Variants in CNTN4 observed in about 807,000 individuals in gnomAD.
CNTN4 encodes the protein contactin 4.
In CNTN4, 77 loss-of-function variants were observed where a neutral mutation model predicts 122.5. The observed-to-expected ratio is 0.63, with a 90% CI of 0.52 to 0.76. The LOEUF is 0.76. Ranked by LOEUF, CNTN4 falls within the 30% of genes least tolerant of loss-of-function variation. The pLI is 0.00. For synonymous variants in CNTN4, 512 were observed against 447.0 expected (o/e 1.15, Z -1.83); for missense variants, 1,256 against 1,259.1 (o/e 1.00, Z 0.04).
At chr3:2,813,530 G>A (rs9858683) in intron 6 of CNTN4, among the ~76,000 whole-genome samples, 2,083 of 151,926 alleles carry the variant, frequency 0.014, 34 homozygotes, top group African/African-American at 0.048. Context: ...TATGATGTGT[G>A]ATATTATCTC....
intron 23 of CNTN4, among the ~76,000 whole-genome samples, chr3:3,049,634 G>A (rs1701048125): frequency 6.6e-6 from 1 of 152,092 alleles, no homozygotes; most frequent in Admixed American, 6.5e-5. Flanking sequence ...AGAGTGAGGG[G>A]AATAGAGAAA....
intron 12 of CNTN4, among the ~76,000 whole-genome samples, chr3:2,916,290 G>A (rs2094353390): frequency 6.6e-6 from 1 of 151,346 alleles, no homozygotes; most frequent in African/African-American, 2.4e-5. Context: ...GTGGAGGGAA[G>A]GTCAGCAGAT....
At chr3:2,646,258 T>C (rs2083114645) in intron 4 of CNTN4, among the ~76,000 whole-genome samples, 1 of 152,186 alleles carries the variant, frequency 6.6e-6, no homozygotes, top group South Asian at 2.1e-4. Flanking sequence ...ATAAACACTA[T>C]CAATCAAAAT....
chr3:2,341,843 T>C (rs1337617398), intron 3 of CNTN4, among the ~76,000 whole-genome samples: 1 of 152,244 alleles, frequency 6.6e-6, no homozygotes, highest in Non-Finnish European at 1.5e-5. Flanking sequence ...AATAACTTTC[T>C]ATCCTGGACA....
intron 13 of CNTN4, among the ~76,000 whole-genome samples, chr3:2,944,953 C>T (rs964640796): frequency 1.3e-5 from 2 of 152,090 alleles, no homozygotes; most frequent in African/African-American, 4.8e-5. Flanking sequence ...ATGGTCTTAC[C>T]TTGAGGCAAG....
Position 3,009,464 on chromosome 3 carries a change from T to C in CNTN4, c.1487-16638T>C, listed in dbSNP as rs557115081. On this transcript the variant is annotated intron_variant, in intron 14 of 24. Transcript: ENST00000418658. Reference sequence around the variant, plus strand: ...TTCTTTTTTTTTTGAGATGGAGTCTTGCTCTGTCGCCCAGGCTGGAGTGCA... The same window carrying C: ...TTCTTTTTTTTTTGAGATGGAGTCTCGCTCTGTCGCCCAGGCTGGAGTGCA... 4.2e-3 allele frequency among the ~76,000 whole-genome samples: 645 copies of C among 151,954 alleles called. 3 individuals are homozygous for C. The highest frequency in any genetic ancestry group is 8.4e-3 in the African/African-American group (347 of 41,348).
intron 4 of CNTN4, among the ~76,000 whole-genome samples, chr3:2,673,897 G>C (rs987667928): frequency 6.6e-6 from 1 of 152,034 alleles, no homozygotes; most frequent in Non-Finnish European, 1.5e-5. Flanking sequence ...TTGGAATGTT[G>C]CTTTGAGACC....
intron 2 of CNTN4, among the ~76,000 whole-genome samples, chr3:2,175,752 G>A (rs1575005610): frequency 6.6e-6 from 1 of 152,106 alleles, no homozygotes; most frequent in Non-Finnish European, 1.5e-5. Flanking sequence ...TGGCTAACTG[G>A]TGTGTTGAAA....
At chr3:2,332,425 C>A (rs981154598) in intron 2 of CNTN4, among the ~76,000 whole-genome samples, 1 of 151,884 alleles carries the variant, frequency 6.6e-6, no homozygotes, top group African/African-American at 2.4e-5. Context: ...TCTTTAATTT[C>A]CCCAGTAACT....
intron 4 of CNTN4, among the ~76,000 whole-genome samples, chr3:2,731,038 T>C (rs7618866): frequency 0.1 from 15,718 of 151,658 alleles, 2,679 homozygotes; most frequent in African/African-American, 0.35. Context: ...AGTCAAAAAA[T>C]ATTTTGTTTC....
At chr3:2,873,246 T>C (rs2093806553) in intron 8 of CNTN4, among the ~76,000 whole-genome samples, 1 of 152,240 alleles carries the variant, frequency 6.6e-6, no homozygotes, top group Non-Finnish European at 1.5e-5. Flanking sequence ...TTTCTTCTTC[T>C]TGTCTTCAAG....
intron 3 of CNTN4, among the ~76,000 whole-genome samples, chr3:2,452,126 T>C (rs1017856921): frequency 6.6e-6 from 1 of 152,158 alleles, no homozygotes; most frequent in Non-Finnish European, 1.5e-5. Context: ...GTTAGCATTG[T>C]ATACAGAGCA....
At chr3:2,239,280 C>T (rs1575149402) in intron 2 of CNTN4, among the ~76,000 whole-genome samples, 1 of 152,110 alleles carries the variant, frequency 6.6e-6, no homozygotes, top group East Asian at 1.9e-4. Context: ...TTTATGCGGA[C>T]GATCCTTGGA....
At chr3:2,850,350 C>A (rs1323314067) in intron 7 of CNTN4, among the ~76,000 whole-genome samples, 1 of 152,236 alleles carries the variant, frequency 6.6e-6, no homozygotes, top group African/African-American at 2.4e-5. Context: ...TTTTCCAGAT[C>A]TTTCCACTTA....
At chr3:3,029,831 A>G (rs1352684512) in intron 15 of CNTN4, among the ~76,000 whole-genome samples, 2 of 152,174 alleles carry the variant, frequency 1.3e-5, no homozygotes, top group African/African-American at 4.8e-5. Context: ...TGAGTTTAAT[A>G]TAGGTAAAGT....
intron 3 of CNTN4, among the ~76,000 whole-genome samples, chr3:2,439,376 T>G (rs2048356806): frequency 6.6e-6 from 1 of 152,226 alleles, no homozygotes. Flanking sequence ...TTCTGTTGGA[T>G]CTGGCAAACC....
At chr3:2,185,692 G>C (rs908771084) in intron 2 of CNTN4, among the ~76,000 whole-genome samples, 1 of 152,126 alleles carries the variant, frequency 6.6e-6, no homozygotes, top group Non-Finnish European at 1.5e-5. Flanking sequence ...GGTCTTCGGG[G>C]TGTGATTTCC....
chr3:3,016,918 G>A (rs1018923636), intron 14 of CNTN4, among the ~76,000 whole-genome samples: 5 of 152,182 alleles, frequency 3.3e-5, no homozygotes, highest in East Asian at 1.9e-4. Flanking sequence ...TTGTGCTCAC[G>A]CCGACTGGGG....
At position 2,543,540 on chromosome 3, in the gene CNTN4, A is replaced by G. The variant is rs114870413; in HGVS notation, c.-88-27876A>G. On this transcript the variant is annotated intron_variant, in intron 3 of 24. Transcript: ENST00000418658. ...GCTGTGCATTCAACTTGGAGATACC[A>G]TAGGCCAACTGGAGCTCACAGGCTT... Among the ~76,000 whole-genome samples the G allele has an allele frequency of 5.4e-3, 825 of 152,206 alleles. 6 individuals are homozygous for G. The highest frequency in any genetic ancestry group is 0.019 in the African/African-American group (771 of 41,546).
Sources: allele counts gnomAD v4.1 joint callset (sites outside exome capture counted in the v4.1 genomes callset), GRCh38; gene constraint gnomAD v4.1.1; transcripts MANE v1.5; gene names NCBI Gene and HGNC (gene_info 2026-07-23, HGNC 2026-07-21).